DLGAP2: variants seen among roughly 807,000 people sequenced by gnomAD.
The protein encoded by DLGAP2 is DLG associated protein 2, also known as disks large-associated protein 2.
In DLGAP2, 26 loss-of-function variants were observed where a neutral mutation model predicts 100.3. The ratio of observed to expected loss-of-function variants is 0.26; its 90% CI spans 0.19 to 0.36. The LOEUF (loss-of-function observed/expected upper bound fraction) is 0.36. Ranked by LOEUF, DLGAP2 falls within the 10% of genes least tolerant of loss-of-function variation. The pLI is 1.00. For synonymous variants in DLGAP2, 886 were observed against 630.1 expected (o/e 1.41, Z -6.08); for missense variants, 1,858 against 1,453.2 (o/e 1.28, Z -4.53).
At chr8:803,139 G>T (rs903506743) in intron 1 of DLGAP2, among the ~76,000 whole-genome samples, 4 of 152,078 alleles carry the variant, frequency 2.6e-5, no homozygotes, top group Non-Finnish European at 5.9e-5. Flanking sequence ...TATGGCTGGG[G>T]TGCATTTGTG....
chr8:1,133,159 A>T (rs551080547), intron 2 of DLGAP2, among the ~76,000 whole-genome samples: 3 of 152,186 alleles, frequency 2.0e-5, no homozygotes, highest in Non-Finnish European at 4.4e-5. Flanking sequence ...CTATTGTTTT[A>T]GGTGATTACC....
chr8:982,237 G>A (rs1472715113), intron 2 of DLGAP2, among the ~76,000 whole-genome samples: 6 of 152,210 alleles, frequency 3.9e-5, no homozygotes, highest in African/African-American at 1.4e-4. Flanking sequence ...ACCCACGGGT[G>A]ACCGTGCAAG....
intron 2 of DLGAP2, among the ~76,000 whole-genome samples, chr8:1,081,234 C>T (rs1262570760): frequency 6.6e-6 from 1 of 152,188 alleles, no homozygotes; most frequent in African/African-American, 2.4e-5. Flanking sequence ...AAGTGTTAAT[C>T]TATAGGAACT....
At chr8:1,592,935 A>T (rs1340434241) in intron 6 of DLGAP2, among the ~76,000 whole-genome samples, 3 of 152,218 alleles carry the variant, frequency 2.0e-5, no homozygotes, top group African/African-American at 7.2e-5. Context: ...GATTATCTAA[A>T]ATCACAGCAG....
chr8:806,226 A>G (rs1328311933), intron 1 of DLGAP2, among the ~76,000 whole-genome samples: 3 of 152,174 alleles, frequency 2.0e-5, no homozygotes, highest in Non-Finnish European at 4.4e-5. Context: ...ACAAAAGTAG[A>G]GACTTTACAG....
At chr8:1,341,618 T>C (rs1242028172) in intron 3 of DLGAP2, among the ~76,000 whole-genome samples, 1 of 152,188 alleles carries the variant, frequency 6.6e-6, no homozygotes, top group Non-Finnish European at 1.5e-5. Flanking sequence ...GTTTTCCCCA[T>C]AATCTTTGCA....
chr8:807,932 G>A (rs1463243306), intron 1 of DLGAP2, among the ~76,000 whole-genome samples: 1 of 152,178 alleles, frequency 6.6e-6, no homozygotes, highest in Non-Finnish European at 1.5e-5. Context: ...GCTAAGAACC[G>A]GGTCTTGTGA....
chr8:1,090,916 A>G (rs1804159711), intron 2 of DLGAP2, among the ~76,000 whole-genome samples: 1 of 152,232 alleles, frequency 6.6e-6, no homozygotes, highest in Admixed American at 6.5e-5. Context: ...TAAACTTAGT[A>G]TTCCAGTGGC....
At chr8:1,173,644 A>C (rs1437231390) in intron 2 of DLGAP2, among the ~76,000 whole-genome samples, 1 of 152,170 alleles carries the variant, frequency 6.6e-6, no homozygotes, top group Non-Finnish European at 1.5e-5. Context: ...CTGCTGTGCT[A>C]GCAATCAGCA....
intron 1 of DLGAP2, among the ~76,000 whole-genome samples, chr8:851,955 G>A (rs1797190116): frequency 6.6e-6 from 1 of 152,178 alleles, no homozygotes; most frequent in Non-Finnish European, 1.5e-5. Context: ...GTCTTGGGAA[G>A]GTGCAGTGAC....
At chr8:1,357,716 C>T (rs112165591) in intron 3 of DLGAP2, among the ~76,000 whole-genome samples, 2,334 of 152,312 alleles carry the variant, frequency 0.015, 59 homozygotes, top group African/African-American at 0.054. Context: ...TGCTGCGATA[C>T]GCAGCACCAC....
chr8:1,648,227 C>G (rs1034131220), intron 8 of DLGAP2, among the ~76,000 whole-genome samples: 2 of 152,180 alleles, frequency 1.3e-5, no homozygotes, highest in African/African-American at 4.8e-5. Flanking sequence ...AAGTTATAAA[C>G]TCCACTGTGC....
intron 1 of DLGAP2, among the ~76,000 whole-genome samples, chr8:897,111 G>A (rs960302480): frequency 2.0e-5 from 3 of 152,152 alleles, no homozygotes; most frequent in Non-Finnish European, 4.4e-5. Flanking sequence ...TGGAGTGGGG[G>A]TTCAGCAGCA....
intron 2 of DLGAP2, among the ~76,000 whole-genome samples, chr8:989,339 G>A (rs1288044456): frequency 6.6e-6 from 1 of 152,168 alleles, no homozygotes; most frequent in Non-Finnish European, 1.5e-5. Context: ...CTGAGGGAGG[G>A]GCTGTCTTCG....
At chr8:1,582,042 C>G (rs73174721) in intron 6 of DLGAP2, among the ~76,000 whole-genome samples, 51,643 of 145,488 alleles carry the variant, frequency 0.35, 9,620 homozygotes, top group East Asian at 0.48. Context: ...CACGTCTACA[C>G]ACCACAGTCA....
intron 8 of DLGAP2, among the ~76,000 whole-genome samples, chr8:1,649,484 G>C (rs565682611): frequency 1.5e-4 from 23 of 152,350 alleles, no homozygotes; most frequent in African/African-American, 5.5e-4. Flanking sequence ...TGATTACTCT[G>C]AATTAATCTT....
chr8:1,018,724 C>T (rs1038323985), intron 2 of DLGAP2: 1 of 152,192 alleles, frequency 6.6e-6, no homozygotes, highest in Non-Finnish European at 1.5e-5. Flanking sequence ...TCCTTATCAA[C>T]TGGAAATATT....
chr8:1,624,123 G>A lies in DLGAP2; in HGVS notation c.1443-2617G>A, dbSNP rs142069347. 2.9e-3 allele frequency among the ~76,000 whole-genome samples: 435 copies of A among 152,278 alleles called. 3 individuals carry two copies. Among genetic ancestry groups the A allele is most frequent in the African/African-American group, 9.7e-3 (404 of 41,550 alleles). On this transcript the variant is annotated intron_variant, in intron 6 of 14. Transcript: ENST00000637795. ...CAGAGGACGAGAATCCTTCTTTTATGTTTTCTCAGTCTAGAAGGCAGCTTC... is the reference window on the plus strand; with the variant it reads ...CAGAGGACGAGAATCCTTCTTTTATATTTTCTCAGTCTAGAAGGCAGCTTC...
intron 2 of DLGAP2, among the ~76,000 whole-genome samples, chr8:1,193,957 G>C (rs1394116301): frequency 1.3e-5 from 2 of 152,152 alleles, no homozygotes; most frequent in African/African-American, 4.8e-5. Flanking sequence ...GGTCTTTGCT[G>C]AGAGCTTGAC....
Sources: gnomAD v4.1 joint callset for allele counts (sites outside exome capture counted in the v4.1 genomes callset) on GRCh38, gnomAD v4.1.1 for gene constraint, MANE v1.5 for transcripts, NCBI Gene and HGNC (gene_info 2026-07-23, HGNC 2026-07-21) for gene names.